The following RICTOR variants were observed in gnomAD, a reference collection of about 807,000 sequenced individuals.
RICTOR encodes the protein rapamycin-insensitive companion of mTOR.
Under a neutral mutation model 214.9 loss-of-function variants are expected in RICTOR, and 49 were observed. The ratio of observed to expected loss-of-function variants is 0.23; its 90% CI spans 0.18 to 0.29. RICTOR has a LOEUF of 0.29. RICTOR is among the 10% of genes least tolerant of loss of function. The pLI, the probability that RICTOR is intolerant of heterozygous loss-of-function variation, is 1.00. For synonymous variants in RICTOR, 717 were observed against 711.3 expected (o/e 1.01, Z -0.13); for missense variants, 1,625 against 2,047.0 (o/e 0.79, Z 3.98).
At position 39,051,019 on chromosome 5, in the gene RICTOR, TTCTC is replaced by T. The variant is rs1757798464; in HGVS notation, c.97+23088_97+23091del. ...ATAAAGACATATAGATGGATAATCT[TTCTC>T]TCTCCCCATACATATATATACACAC... On this transcript the variant is annotated intron_variant, in intron 2 of 37. Coordinates refer to ENST00000357387, the MANE Select transcript of RICTOR (RefSeq NM_152756.5). 3.4e-5 allele frequency among the ~76,000 whole-genome samples: 5 copies of T among 147,612 alleles called. No individual in the cohort carries two copies. In the South Asian group the frequency reaches 1.1e-3, roughly 32 times the overall value.
rs185485411 is a variant in RICTOR, at chr5:38,989,915, G to T, written c.583+1034C>A. Among the ~76,000 whole-genome samples the T allele has an allele frequency of 1.9e-3, 282 of 152,254 alleles. 1 individual carries two copies. The highest frequency in any genetic ancestry group is 0.011 in the South Asian group (52 of 4,828). On this transcript the variant is annotated intron_variant, in intron 7 of 37. Transcript: ENST00000357387. ...ACACTGTTGGTGGGACTGTAAATTAGTTCAACCATTGTGGAAGAAGAGTGT... is the reference window on the plus strand; with the variant it reads ...ACACTGTTGGTGGGACTGTAAATTATTTCAACCATTGTGGAAGAAGAGTGT...
intron 4 of RICTOR, 112 bp from the exon 5 acceptor site, chr5:39,002,778 C>A (rs887584417): frequency 2.0e-6 from 2 of 1,025,608 alleles, no homozygotes; most frequent in African/African-American, 3.2e-5. Context: ...TAGTCATGCA[C>A]AGAATTCTAA....
At chr5:39,033,127 A>C (rs1199973519) in intron 2 of RICTOR, among the ~76,000 whole-genome samples, 1 of 152,230 alleles carries the variant, frequency 6.6e-6, no homozygotes, top group East Asian at 1.9e-4. Context: ...AATAACAACT[A>C]TAAATAATAT....
At chr5:38,990,630 T>TCAG (rs1561501555) in intron 7 of RICTOR, among the ~76,000 whole-genome samples, 2 of 78,828 alleles carry the variant, frequency 2.5e-5, no homozygotes, top group South Asian at 4.0e-4. Context: ...ATATGATATA[T>TCAG]ATATCTGACA....
intron 2 of RICTOR, among the ~76,000 whole-genome samples, chr5:39,024,628 T>C (rs1755671180): frequency 6.6e-6 from 1 of 152,220 alleles, no homozygotes; most frequent in Admixed American, 6.5e-5. Context: ...AATGGAAATG[T>C]ATAATCTAAA....
intron 2 of RICTOR, among the ~76,000 whole-genome samples, chr5:39,050,289 G>A (rs569149582): frequency 6.6e-6 from 1 of 151,884 alleles, no homozygotes; most frequent in African/African-American, 2.4e-5. Flanking sequence ...TTTGAGCACT[G>A]ACTGAATATT....
At chr5:39,061,258 C>A (rs915838818) in intron 2 of RICTOR, among the ~76,000 whole-genome samples, 3 of 148,552 alleles carry the variant, frequency 2.0e-5, no homozygotes, top group Non-Finnish European at 4.5e-5. Flanking sequence ...CAAACACTTA[C>A]CAAATAAAAG....
intron 7 of RICTOR, among the ~76,000 whole-genome samples, 178 bp downstream of exon 7, chr5:38,990,771 T>TCA (rs1752676721): frequency 2.5e-5 from 3 of 118,876 alleles, no homozygotes; most frequent in South Asian, 2.6e-4. Flanking sequence ...ATGAGATATA[T>TCA]GATATATATG....
Position 38,945,013 on chromosome 5 carries a change from T to G in RICTOR, c.4689A>C (p.Leu1563Phe). Residue 1563 changes from leucine (L) to phenylalanine (F), a missense_variant, in exon 35 of 38, where the codon TTA (leucine) becomes TTC (phenylalanine). By Grantham distance (22) the Leu-to-Phe change is conservative. This residue lies in a region of RICTOR where 1,214 missense variants were observed against 1,470.5 expected (regional missense o/e 0.83). Coordinates refer to ENST00000357387, the MANE Select transcript of RICTOR (RefSeq NM_152756.5). ...CCGAAAACTTAGAGGGAACCACTTC[T>G]AAAGGATTATGGATAGTCTGCTCAC... ...DWCEQTIHNP[L>F]EVVPSKFSGI... The G allele has an allele frequency of 6.2e-7, 1 of 1,612,084 alleles. No individual in the cohort carries two copies. The highest frequency in any genetic ancestry group is 2.2e-5 in the East Asian group (1 of 44,864).
At chr5:38,983,222 G>A (rs1301104031) in intron 7 of RICTOR, among the ~76,000 whole-genome samples, 1 of 152,142 alleles carries the variant, frequency 6.6e-6, no homozygotes, top group East Asian at 1.9e-4. Flanking sequence ...ACACACACAA[G>A]TCATACACAG....
At chr5:38,970,502 C>CT (rs1750690168) in intron 11 of RICTOR, 1 of 152,144 alleles carries the variant, frequency 6.6e-6, no homozygotes, top group Non-Finnish European at 1.5e-5. Context: ...AGTTTGTTAC[C>CT]TGCTTACAGA....
chr5:39,030,224 C>G (rs1756169792), intron 2 of RICTOR, among the ~76,000 whole-genome samples: 1 of 151,968 alleles, frequency 6.6e-6, no homozygotes, highest in South Asian at 2.1e-4. Flanking sequence ...ATACATAATT[C>G]TATCTAAAAC....
intron 16 of RICTOR, 109 bp from the exon 17 acceptor site, chr5:38,963,150 T>C (rs1056108796): frequency 2.8e-5 from 19 of 683,156 alleles, no homozygotes; most frequent in East Asian, 5.6e-5. Context: ...GAAATTATTA[T>C]TGATAAAGTA....
At chr5:39,044,676 T>C (rs1757372374) in intron 2 of RICTOR, among the ~76,000 whole-genome samples, 1 of 152,192 alleles carries the variant, frequency 6.6e-6, no homozygotes, top group African/African-American at 2.4e-5. Flanking sequence ...TAATTAAATA[T>C]AATTAACAAT....
chr5:39,037,541 A>G (rs1344035497), intron 2 of RICTOR, among the ~76,000 whole-genome samples: 1 of 152,208 alleles, frequency 6.6e-6, no homozygotes, highest in Non-Finnish European at 1.5e-5. Context: ...TGGTTTTTTG[A>G]AAAGATCAAC....
intron 19 of RICTOR, among the ~76,000 whole-genome samples, chr5:38,961,115 A>AC (rs1749760414): frequency 6.6e-6 from 1 of 152,006 alleles, no homozygotes; most frequent in Non-Finnish European, 1.5e-5. Context: ...ACCAAAAAAA[A>AC]CCCCAAAAAC....
At chr5:39,017,053 C>T (rs943242984) in intron 3 of RICTOR, among the ~76,000 whole-genome samples, 3 of 152,072 alleles carry the variant, frequency 2.0e-5, no homozygotes, top group Non-Finnish European at 4.4e-5. Flanking sequence ...CATTATATTT[C>T]TATTACGCAA....
chr5:39,064,072 A>C (rs1297553256), intron 2 of RICTOR, among the ~76,000 whole-genome samples: 1 of 152,220 alleles, frequency 6.6e-6, no homozygotes, highest in Non-Finnish European at 1.5e-5. Context: ...ACTTATATTT[A>C]GGTTCTCTTT....
intron 11 of RICTOR, among the ~76,000 whole-genome samples, chr5:38,968,813 C>T (rs1353154565): frequency 4.6e-5 from 7 of 151,308 alleles, no homozygotes; most frequent in Admixed American, 4.6e-4. Context: ...TATCACATGA[C>T]AGCTTCATTC....
Sources: allele counts gnomAD v4.1 joint callset (sites outside exome capture counted in the v4.1 genomes callset), GRCh38; gene constraint gnomAD v4.1.1; regional missense constraint gnomAD v4.1.1; transcripts MANE v1.5; gene names NCBI Gene and HGNC (gene_info 2026-07-23, HGNC 2026-07-21).